The following ABR variants were observed in gnomAD, a reference collection of about 807,000 sequenced individuals.
ABR encodes active breakpoint cluster region-related protein.
A neutral mutation model predicts 107.2 loss-of-function variants in ABR; 35 were observed. The ratio of observed to expected loss-of-function variants is 0.33; its 90% CI spans 0.25 to 0.43. The LOEUF (loss-of-function observed/expected upper bound fraction) is 0.43. ABR is among the 20% of genes least tolerant of loss of function. The pLI is 1.00. For missense variants in ABR, 815 were observed against 1,115.2 expected (o/e 0.73, Z 3.83); for synonymous variants, 498 against 462.0 (o/e 1.08, Z -1.00).
chr17:1,204,732 T>C (rs1010472473), intron 1 of ABR, among the ~76,000 whole-genome samples: 2 of 152,102 alleles, frequency 1.3e-5, no homozygotes, highest in African/African-American at 2.4e-5. Flanking sequence ...GCTATACCAT[T>C]GAGCCTACTA....
At chr17:1,214,105 T>TC (rs1052666798) in intron 1 of ABR, among the ~76,000 whole-genome samples, 5 of 151,962 alleles carry the variant, frequency 3.3e-5, no homozygotes, top group Non-Finnish European at 4.4e-5. Context: ...CAGGCTGGTC[T>TC]CGAACTCCTG....
At position 1,078,751 on chromosome 17, in the gene ABR, C is replaced by T. The variant is rs985274263; in HGVS notation, c.700+579G>A. On this transcript the variant is annotated intron_variant, in intron 6 of 22. Transcript: ENST00000302538. The surrounding 1 kb of genome is among the most constrained non-coding windows in gnomAD (Gnocchi z 7.5). Reference sequence around the variant, plus strand: ...TAACCTCCCCGGCCACATCTAAGCCCACTCCAGCCGGCCCCCAGAGGTGGG... The same window carrying T: ...TAACCTCCCCGGCCACATCTAAGCCTACTCCAGCCGGCCCCCAGAGGTGGG... 3.1e-5 allele frequency: 47 copies of T among 1,508,196 alleles called. 1 individual carries two copies. The East Asian group carries it at 5.7e-4, about 18-fold the overall frequency. 93.4% of individuals were successfully genotyped at this position (1,508,196 alleles called of 1,614,324 possible). A position where few individuals can be genotyped will look rare whatever the true frequency, so the allele number is the denominator to read the frequency against.
At chr17:1,194,047 A>G (rs1644807430) in intron 1 of ABR, among the ~76,000 whole-genome samples, 1 of 152,164 alleles carries the variant, frequency 6.6e-6, no homozygotes, top group South Asian at 2.1e-4. Context: ...AGGAAGACAC[A>G]AAGATGAATT....
intron 16 of ABR, 87 bp from the exon 17 acceptor site, chr17:1,013,251 G>C (rs2070794393): frequency 3.1e-6 from 4 of 1,285,696 alleles, no homozygotes; most frequent in Non-Finnish European, 4.5e-6. Context: ...CTCAGAGCCA[G>C]CTACACAGTC....
intron 2 of ABR, among the ~76,000 whole-genome samples, chr17:1,124,406 C>CG (rs1434467970): frequency 6.6e-6 from 1 of 152,182 alleles, no homozygotes; most frequent in East Asian, 1.9e-4. Context: ...ACACACCCCC[C>CG]ACAGAGGACC....
At chr17:1,105,472 G>A (rs1219231609) in intron 2 of ABR, among the ~76,000 whole-genome samples, 1 of 151,898 alleles carries the variant, frequency 6.6e-6, no homozygotes, top group Admixed American at 6.6e-5. Context: ...CGTGGGGCCC[G>A]CACTTAGAAA....
intron 1 of ABR, among the ~76,000 whole-genome samples, chr17:1,203,731 G>A (rs1379809127): frequency 1.3e-5 from 2 of 152,032 alleles, no homozygotes; most frequent in Admixed American, 1.3e-4. Context: ...CGCGCAGGAA[G>A]GCGGATGGCG....
At chr17:1,081,102 C>T (rs1597722772) in intron 5 of ABR, among the ~76,000 whole-genome samples, 1 of 152,262 alleles carries the variant, frequency 6.6e-6, no homozygotes, top group East Asian at 1.9e-4. Flanking sequence ...AGAGAAGACC[C>T]CACACTCTCT....
intron 16 of ABR, among the ~76,000 whole-genome samples, chr17:1,043,451 G>A (rs1004125312): frequency 3.9e-5 from 6 of 152,304 alleles, no homozygotes; most frequent in Admixed American, 3.3e-4. Context: ...TTACAGGCGT[G>A]AGCCACCGCG....
At chr17:1,226,374 CATGT>C in intron 1 of ABR, among the ~76,000 whole-genome samples, 1 of 152,086 alleles carries the variant, frequency 6.6e-6, no homozygotes, top group South Asian at 2.1e-4. Context: ...GCAGTGTGCA[CATGT>C]ATGTACATGT....
intron 16 of ABR, among the ~76,000 whole-genome samples, chr17:1,022,037 G>A (rs1449241095): frequency 6.8e-6 from 1 of 147,196 alleles, no homozygotes; most frequent in East Asian, 2.0e-4. Flanking sequence ...AACCCGGGAG[G>A]CAGGGGTTGC....
intron 14 of ABR, among the ~76,000 whole-genome samples, chr17:1,052,186 A>T (rs186594648): frequency 9.3e-4 from 141 of 152,256 alleles, no homozygotes; most frequent in Middle Eastern, 3.4e-3. Flanking sequence ...CAGAACACAC[A>T]GAACGGGGCT....
chr17:1,018,134 C>T (rs1310440755), intron 16 of ABR, among the ~76,000 whole-genome samples: 2 of 152,092 alleles, frequency 1.3e-5, no homozygotes, highest in Admixed American at 1.3e-4. Flanking sequence ...GCTCCGCCTC[C>T]CGGGTTCACG....
chr17:1,062,677 A>C (rs28510180), intron 10 of ABR, among the ~76,000 whole-genome samples: 505 of 90,652 alleles, frequency 5.6e-3, no homozygotes, highest in Middle Eastern at 0.019. Context: ...ATGTGAACTG[A>C]GGGCTATACA....
chr17:1,051,704 C>T lies in ABR; in HGVS notation c.1562-1070G>A, dbSNP rs925353884. ...CAGCGTGAAACAACGTCAGAGGTCACAGTGCGGGCATACAGTGCAGGTGGC... is the reference window on the plus strand; with the variant it reads ...CAGCGTGAAACAACGTCAGAGGTCATAGTGCGGGCATACAGTGCAGGTGGC... On this transcript the variant is annotated intron_variant, in intron 14 of 22. Coordinates refer to ENST00000302538, the MANE Select transcript of ABR (RefSeq NM_021962.5). This position sits in a 1 kb window ranked among gnomAD's most constrained non-coding sequence, Gnocchi z 4.3. Among the ~76,000 whole-genome samples the T allele has an allele frequency of 1.3e-5, 2 of 152,226 alleles. No homozygotes were observed. The highest frequency in any genetic ancestry group is 2.1e-4 in the South Asian group (1 of 4,836).
rs1245236750 is a variant in ABR at position 1,091,665 on chromosome 17, C to T, written c.531G>A (p.Leu177=). Residue 177 remains leucine, a splice_region_variant and synonymous_variant, in exon 4 of 23, where the codon CTG becomes CTA. Transcript: ENST00000302538. ...GACCCTCCATCCCTGGCAGACTCAC[C>T]AGCTTCTGGAAGAGGTGGCCCATGG... is the stretch of plus-strand genomic sequence containing the variant. ...QVTMGHLFQK[L]ASQLGVYKAF... is the part of the protein sequence containing the mutation. 6.2e-7 allele frequency: 1 copy of T among 1,612,218 alleles called. No individual in the cohort carries two copies. Among genetic ancestry groups the T allele is most frequent in the African/African-American group, 1.3e-5 (1 of 74,926 alleles).
At chr17:1,087,699 A>G (rs35339359) in intron 4 of ABR, among the ~76,000 whole-genome samples, 68,382 of 151,816 alleles carry the variant, frequency 0.45, 16,571 homozygotes, top group Admixed American at 0.54. Context: ...TGCCTAAGCC[A>G]AAGTCAGATC....
intron 9 of ABR, among the ~76,000 whole-genome samples, chr17:1,068,754 GT>G (rs2034971198): frequency 6.6e-6 from 1 of 152,206 alleles, no homozygotes; most frequent in Admixed American, 6.5e-5. Context: ...GCTCAAAGGA[GT>G]TTGCACGTCA....
chr17:1,188,394 C>CA (rs1196920055), upstream of ABR, among the ~76,000 whole-genome samples: 4 of 151,658 alleles, frequency 2.6e-5, no homozygotes, highest in Admixed American at 6.6e-5. Flanking sequence ...ACTAAAAATA[C>CA]AAAAAATCAT....
Sources: gnomAD v4.1 joint callset for allele counts (sites outside exome capture counted in the v4.1 genomes callset) on GRCh38, gnomAD v4.1.1 for gene constraint, Gnocchi (gnomAD v3.1) non-coding constraint, MANE v1.5 for transcripts, NCBI Gene and HGNC (gene_info 2026-07-23, HGNC 2026-07-21) for gene names.